The following ADAMTS19 variants were observed in gnomAD, a reference collection of about 807,000 sequenced individuals.
The protein encoded by ADAMTS19 is A disintegrin and metalloproteinase with thrombospondin motifs 19.
A neutral mutation model predicts 153.3 loss-of-function variants in ADAMTS19; 93 were observed. The observed-to-expected ratio is 0.61, with a 90% CI of 0.51 to 0.72. The LOEUF is 0.72. Ranked by LOEUF, ADAMTS19 falls within the 30% of genes least tolerant of loss-of-function variation. The pLI, the probability that ADAMTS19 is intolerant of heterozygous loss-of-function variation, is 0.00. For missense variants in ADAMTS19, 1,482 were observed against 1,552.1 expected (o/e 0.95, Z 0.76); for synonymous variants, 600 against 556.6 (o/e 1.08, Z -1.10).
intron 21 of ADAMTS19, among the ~76,000 whole-genome samples, chr5:129,728,099 C>T (rs983544061): frequency 6.6e-6 from 1 of 152,142 alleles, no homozygotes; most frequent in South Asian, 2.1e-4. Context: ...ACTAATTATA[C>T]ATTATGCATT....
At chr5:129,564,547 A>G (rs1033820537) in intron 7 of ADAMTS19, among the ~76,000 whole-genome samples, 1 of 152,172 alleles carries the variant, frequency 6.6e-6, no homozygotes, top group Non-Finnish European at 1.5e-5. Context: ...ATTGGAAGAG[A>G]TTTTCATTTA....
At chr5:129,504,953 A>AT (rs1306095192) in intron 2 of ADAMTS19, among the ~76,000 whole-genome samples, 1 of 151,916 alleles carries the variant, frequency 6.6e-6, no homozygotes, top group East Asian at 1.9e-4. Context: ...TTGATTCCAC[A>AT]TATCGACTGT....
rs75577631 is a variant in ADAMTS19, at chr5:129,700,741, T to C, written c.2955-647T>C. Among the ~76,000 whole-genome samples the C allele has an allele frequency of 4.2e-3, 640 of 152,210 alleles. 5 individuals carry two copies. The highest frequency in any genetic ancestry group is 0.015 in the African/African-American group (617 of 41,514). On this transcript the variant is annotated intron_variant, in intron 19 of 22. Transcript: ENST00000274487. ...ATTTTATACTTACAAAGTCCCACAG[T>C]ATAGTGATATGGTAAGCAGTGAAAG...
intron 21 of ADAMTS19, among the ~76,000 whole-genome samples, chr5:129,714,133 T>C (rs372767631): frequency 6.6e-6 from 1 of 152,148 alleles, no homozygotes; most frequent in Non-Finnish European, 1.5e-5. Flanking sequence ...GAAAAATACA[T>C]ATCTGGCCGG....
intron 14 of ADAMTS19, among the ~76,000 whole-genome samples, chr5:129,658,371 G>C (rs591997): frequency 6.9e-6 from 1 of 144,886 alleles, no homozygotes; most frequent in Non-Finnish European, 1.5e-5. Context: ...GAAAGAAAGA[G>C]AGAGAGGAAG....
intron 2 of ADAMTS19, among the ~76,000 whole-genome samples, chr5:129,489,094 T>C (rs1057505245): frequency 8.5e-5 from 13 of 152,104 alleles, no homozygotes; most frequent in African/African-American, 2.7e-4. Context: ...TTTCCTGAGA[T>C]TGCTTGTTTT....
At chr5:129,583,238 C>T (rs1337757006) in intron 7 of ADAMTS19, among the ~76,000 whole-genome samples, 3 of 152,066 alleles carry the variant, frequency 2.0e-5, no homozygotes, top group African/African-American at 7.2e-5. Context: ...AATATTGGCC[C>T]CCAATCTATT....
chr5:129,579,249 A>C (rs1749380428), intron 7 of ADAMTS19, among the ~76,000 whole-genome samples: 1 of 152,190 alleles, frequency 6.6e-6, no homozygotes. Flanking sequence ...TCTTTTGAGA[A>C]GTGTCTGTTC....
chr5:129,646,448 CTT>C (rs1412466045), intron 11 of ADAMTS19, among the ~76,000 whole-genome samples: 2 of 152,044 alleles, frequency 1.3e-5, no homozygotes, highest in Non-Finnish European at 2.9e-5. Flanking sequence ...TTTTAATTCT[CTT>C]TTCTAAAAAC....
intron 7 of ADAMTS19, among the ~76,000 whole-genome samples, chr5:129,563,212 ATT>A (rs548780670): frequency 1.4e-5 from 2 of 145,912 alleles, no homozygotes. Flanking sequence ...GCAATTTGGC[ATT>A]TTTTTTTTTG....
At chr5:129,695,962 G>A (rs1006616019) in intron 19 of ADAMTS19, among the ~76,000 whole-genome samples, 10 of 152,140 alleles carry the variant, frequency 6.6e-5, no homozygotes, top group South Asian at 2.1e-4. Context: ...TGATATAACC[G>A]TCTTCATGGC....
chr5:129,609,283 T>C (rs1008938674), intron 8 of ADAMTS19, among the ~76,000 whole-genome samples: 2 of 152,218 alleles, frequency 1.3e-5, no homozygotes, highest in African/African-American at 4.8e-5. Flanking sequence ...AATCTGTCTG[T>C]ATTCATTTCC....
At chr5:129,604,447 G>C (rs569385036) in intron 8 of ADAMTS19, among the ~76,000 whole-genome samples, 2 of 152,102 alleles carry the variant, frequency 1.3e-5, no homozygotes, top group African/African-American at 4.8e-5. Flanking sequence ...CACCTCCTTC[G>C]TAAATGCACA....
chr5:129,471,162 T>C (rs973448362), intron 2 of ADAMTS19, among the ~76,000 whole-genome samples: 1 of 151,700 alleles, frequency 6.6e-6, no homozygotes, highest in Non-Finnish European at 1.5e-5. Flanking sequence ...AAATAAGGCT[T>C]CCAGACTGAA....
chr5:129,671,131 G>C (rs370691475), intron 16 of ADAMTS19, among the ~76,000 whole-genome samples: 1 of 152,128 alleles, frequency 6.6e-6, no homozygotes, highest in Non-Finnish European at 1.5e-5. Context: ...AATTCACCTC[G>C]GATGAATCAG....
At chr5:129,582,770 C>A (rs756174002) in intron 7 of ADAMTS19, among the ~76,000 whole-genome samples, 3 of 150,544 alleles carry the variant, frequency 2.0e-5, no homozygotes, top group Admixed American at 6.6e-5. Context: ...TTTTAGTAGA[C>A]CATGTTAGCC....
chr5:129,665,637 A>G, intron 16 of ADAMTS19, 58 bp downstream of exon 16: 2 of 1,328,182 alleles, frequency 1.5e-6, no homozygotes, highest in Non-Finnish European at 1.1e-6. Context: ...CCCTGCCCTG[A>G]GAGTTCTATG....
At position 129,704,327 on chromosome 5, in the gene ADAMTS19, G is replaced by T. The variant is rs778211763; in HGVS notation, c.3248G>T (p.Arg1083Met). The T allele has an allele frequency of 8.7e-6, 14 of 1,614,032 alleles. No homozygotes were observed. The Admixed American group carries it at 1.5e-4, about 17-fold the overall frequency. ...AAGTGTGTCCTCTCTACCAGACCCA[G>T]GGAGGCTGAAGACTGTGAGGATTAT... is the stretch of plus-strand genomic sequence containing the variant. Reference protein sequence around the residue: ...RKKCVLSTRPREAEDCEDYSK... With the variant: ...RKKCVLSTRPMEAEDCEDYSK... The change falls in exon 21 of 23, where the codon AGG becomes ATG. Residue 1083 changes from arginine (R) to methionine (M), a missense_variant. Physicochemically the swap from Arg to Met is moderately conservative, Grantham distance 91. Transcript: ENST00000274487.
intron 7 of ADAMTS19, among the ~76,000 whole-genome samples, chr5:129,583,436 C>T (rs954238410): frequency 6.6e-6 from 1 of 152,016 alleles, no homozygotes; most frequent in East Asian, 1.9e-4. Flanking sequence ...CTCTGTATTT[C>T]CTGAATTTGA....
Sources: allele counts gnomAD v4.1 joint callset (sites outside exome capture counted in the v4.1 genomes callset), GRCh38; gene constraint gnomAD v4.1.1; transcripts MANE v1.5; gene names NCBI Gene and HGNC (gene_info 2026-07-23, HGNC 2026-07-21).